Variants in BMAL1 observed in about 807,000 individuals in gnomAD.
BMAL1 encodes the protein basic helix-loop-helix ARNT like 1, also known as basic helix-loop-helix ARNT-like protein 1.
chr11:13,281,390 C>G, the BMAL1 span, among the ~76,000 whole-genome samples: 1 of 152,190 alleles, frequency 6.6e-6, no homozygotes, highest in Admixed American at 6.5e-5. Flanking sequence ...AGTACCTGCC[C>G]TCTGGCTTCT....
chr11:13,285,623 AG>A, the BMAL1 span, among the ~76,000 whole-genome samples: 2 of 152,156 alleles, frequency 1.3e-5, no homozygotes, highest in East Asian at 3.9e-4. Flanking sequence ...TGGGGTTGAA[AG>A]GTGCTTGATA....
the BMAL1 span, among the ~76,000 whole-genome samples, chr11:13,340,744 T>C: frequency 0.11 from 16,512 of 152,170 alleles, 1,421 homozygotes; most frequent in African/African-American, 0.23. Context: ...TGAGTTCTTG[T>C]ATCCCCAGGA....
At chr11:13,298,628 A>G in the BMAL1 span, among the ~76,000 whole-genome samples, 1 of 152,172 alleles carries the variant, frequency 6.6e-6, no homozygotes, top group Non-Finnish European at 1.5e-5. Context: ...GGTGCCTGGC[A>G]GTAGGGGTTC....
At chr11:13,323,534 G>A in the BMAL1 span, among the ~76,000 whole-genome samples, 2 of 152,020 alleles carry the variant, frequency 1.3e-5, no homozygotes, top group African/African-American at 2.4e-5. Flanking sequence ...CCTAAAATGT[G>A]GGCATCATCT....
At chr11:13,343,261 T>C in the BMAL1 span, among the ~76,000 whole-genome samples, 8 of 152,220 alleles carry the variant, frequency 5.3e-5, no homozygotes, top group Non-Finnish European at 1.2e-4. Context: ...CAGTATGTTC[T>C]AAAGGGTCTA....
chr11:13,329,075 G>A, the BMAL1 span, among the ~76,000 whole-genome samples: 4 of 152,198 alleles, frequency 2.6e-5, no homozygotes, highest in Non-Finnish European at 5.9e-5. Flanking sequence ...CCAGTCAAGA[G>A]CAAGACAGAG....
chr11:13,386,592 A>C, the BMAL1 span: 2 of 1,608,790 alleles, frequency 1.2e-6, no homozygotes, highest in South Asian at 2.2e-5. Flanking sequence ...ATCTCCTCCC[A>C]CAGGTGAGAA....
the BMAL1 span, among the ~76,000 whole-genome samples, chr11:13,369,199 C>T: frequency 6.6e-6 from 1 of 152,204 alleles, no homozygotes; most frequent in Non-Finnish European, 1.5e-5. Flanking sequence ...CCTACCCATC[C>T]TTCAGTGCCA....
the BMAL1 span, among the ~76,000 whole-genome samples, chr11:13,366,329 CAG>C: frequency 0.026 from 3,943 of 152,318 alleles, 71 homozygotes; most frequent in Middle Eastern, 0.065. Flanking sequence ...TGCTTGAGAA[CAG>C]AGAGGCTGAA....
At chr11:13,303,203 C>T in the BMAL1 span, among the ~76,000 whole-genome samples, 1 of 152,168 alleles carries the variant, frequency 6.6e-6, no homozygotes, top group Non-Finnish European at 1.5e-5. Context: ...TTAAGCGGGC[C>T]TTTCTAACCT....
chr11:13,278,839 C>G, the BMAL1 span, among the ~76,000 whole-genome samples: 1 of 152,346 alleles, frequency 6.6e-6, no homozygotes, highest in Admixed American at 6.5e-5. Context: ...CGGCTATTGC[C>G]GGGCGTTGAC....
the BMAL1 span, among the ~76,000 whole-genome samples, chr11:13,291,494 A>G: frequency 0.021 from 3,174 of 152,252 alleles, 123 homozygotes; most frequent in African/African-American, 0.071. Context: ...CTCCTAGTCT[A>G]TGACATCTCC....
the BMAL1 span, among the ~76,000 whole-genome samples, chr11:13,285,169 CA>C: frequency 6.6e-6 from 1 of 152,170 alleles, no homozygotes; most frequent in Non-Finnish European, 1.5e-5. Context: ...CGTTCAGAAG[CA>C]GGGGTATGTC....
At chr11:13,299,468 A>T in the BMAL1 span, among the ~76,000 whole-genome samples, 2 of 151,566 alleles carry the variant, frequency 1.3e-5, no homozygotes, top group Non-Finnish European at 2.9e-5. Flanking sequence ...ATACCTGGGG[A>T]GGGGTGGTTA....
At chr11:13,306,572 A>C in the BMAL1 span, among the ~76,000 whole-genome samples, 3 of 152,210 alleles carry the variant, frequency 2.0e-5, no homozygotes, top group African/African-American at 4.8e-5. Flanking sequence ...TCACAGAGGA[A>C]GTCTGGCTGC....
the BMAL1 span, chr11:13,386,525 A>T: frequency 1.4e-6 from 2 of 1,396,606 alleles, no homozygotes. Flanking sequence ...AAATGTGCTT[A>T]GGAATTGCTT....
the BMAL1 span, among the ~76,000 whole-genome samples, chr11:13,359,190 G>A: frequency 6.6e-6 from 1 of 152,188 alleles, no homozygotes; most frequent in African/African-American, 2.4e-5. Flanking sequence ...CAGAAAAGTG[G>A]AAGTGACTTA....
At chr11:13,334,532 T>G in the BMAL1 span, among the ~76,000 whole-genome samples, 3 of 151,408 alleles carry the variant, frequency 2.0e-5, no homozygotes, top group Admixed American at 2.0e-4. Context: ...CTTGATGTTT[T>G]TTTTTTTTTT....
the BMAL1 span, chr11:13,369,682 T>C: frequency 1.1e-5 from 18 of 1,614,038 alleles, no homozygotes; most frequent in Non-Finnish European, 1.5e-5. Context: ...GAGCACGACG[T>C]TCTTTCTTCT....
Sources: gnomAD v4.1 joint callset for allele counts (sites outside exome capture counted in the v4.1 genomes callset) on GRCh38, gnomAD v4.1.1 for gene constraint, MANE v1.5 for transcripts, NCBI Gene and HGNC (gene_info 2026-07-23, HGNC 2026-07-21) for gene names.